The following STX7 variants were observed in gnomAD, a reference collection of about 807,000 sequenced individuals.
The protein encoded by STX7 is syntaxin-7.
A neutral mutation model predicts 39.6 loss-of-function variants in STX7; 34 were observed. The ratio of observed to expected loss-of-function variants is 0.86; its 90% CI spans 0.65 to 1.14. The LOEUF (loss-of-function observed/expected upper bound fraction) is 1.14. STX7 is among the 50% of genes most tolerant of loss of function. The pLI, the probability that STX7 is intolerant of heterozygous loss-of-function variation, is 0.00. For missense variants in STX7, 284 were observed against 310.4 expected (o/e 0.92, Z 0.64); for synonymous variants, 119 against 99.1 (o/e 1.20, Z -1.19).
chr6:132,486,254 G>T lies in STX7; in HGVS notation c.86-10592C>A, dbSNP rs1211243202. On this transcript the variant is annotated intron_variant, in intron 2 of 9. Transcript: ENST00000367941. ...TCCTCTAGTACAATTCTGAATAGAA[G>T]TGGTGAGGGCAAGACATCCCTGTCT... Among the ~76,000 whole-genome samples the T allele has an allele frequency of 3.3e-5, 5 of 152,246 alleles. No individual in the cohort carries two copies. The East Asian group carries it at 9.6e-4, about 29-fold the overall frequency.
intron 8 of STX7, among the ~76,000 whole-genome samples, chr6:132,465,175 G>T (rs185287592): frequency 6.6e-6 from 1 of 151,990 alleles, no homozygotes; most frequent in African/African-American, 2.4e-5. Flanking sequence ...TTCCAAAGAC[G>T]AACACCTTTC....
intron 2 of STX7, among the ~76,000 whole-genome samples, chr6:132,502,933 G>C (rs1262241547): frequency 6.6e-6 from 1 of 151,786 alleles, no homozygotes; most frequent in African/African-American, 2.4e-5. Context: ...ATGCAGGTCT[G>C]ATTTTCTAAA....
intron 8 of STX7, 29 bp downstream of exon 8, chr6:132,468,373 AC>A: frequency 6.4e-7 from 1 of 1,567,730 alleles, no homozygotes; most frequent in Non-Finnish European, 8.8e-7. Flanking sequence ...GCTTGCTCTC[AC>A]CTCCAAAATC....
At chr6:132,479,502 G>A (rs955255752) in intron 2 of STX7, among the ~76,000 whole-genome samples, 1 of 152,218 alleles carries the variant, frequency 6.6e-6, no homozygotes, top group South Asian at 2.1e-4. Flanking sequence ...AGGTAACCAA[G>A]TGACTCTAGC....
intron 2 of STX7, among the ~76,000 whole-genome samples, chr6:132,488,599 C>G (rs1350752562): frequency 6.6e-6 from 1 of 152,070 alleles, no homozygotes; most frequent in African/African-American, 2.4e-5. Flanking sequence ...TTCTTATTTA[C>G]ATTTCTTGAC....
intron 2 of STX7, among the ~76,000 whole-genome samples, chr6:132,496,397 T>C (rs1411328512): frequency 2.6e-5 from 4 of 152,170 alleles, no homozygotes; most frequent in Admixed American, 2.6e-4. Context: ...TTCACCAATT[T>C]CCTTCAATAC....
chr6:132,485,488 A>G (rs1775110355), intron 2 of STX7, among the ~76,000 whole-genome samples: 2 of 152,176 alleles, frequency 1.3e-5, no homozygotes, highest in South Asian at 4.1e-4. Flanking sequence ...ATGCCCTACA[A>G]GTCTTTGTAT....
At chr6:132,463,724 C>G (rs995711532) in intron 9 of STX7, among the ~76,000 whole-genome samples, 2 of 152,212 alleles carry the variant, frequency 1.3e-5, no homozygotes. Flanking sequence ...CCCCGGCCAT[C>G]AGAAAGCCTA....
At chr6:132,508,239 A>G (rs905510656) in intron 1 of STX7, among the ~76,000 whole-genome samples, 11 of 152,344 alleles carry the variant, frequency 7.2e-5, no homozygotes, top group African/African-American at 2.4e-4. Flanking sequence ...AAAGAGTTCC[A>G]TCAAGTCAAG....
chr6:132,478,054 A>G (rs982158204), intron 2 of STX7, among the ~76,000 whole-genome samples: 1 of 152,112 alleles, frequency 6.6e-6, no homozygotes, highest in African/African-American at 2.4e-5. Flanking sequence ...TATATAAGAA[A>G]GAGGGAGCAA....
At chr6:132,467,372 C>G (rs1391362645) in intron 8 of STX7, among the ~76,000 whole-genome samples, 1 of 152,134 alleles carries the variant, frequency 6.6e-6, no homozygotes, top group African/African-American at 2.4e-5. Context: ...ACCTATCATA[C>G]CTAACTACCC....
chr6:132,494,250 C>T (rs1473866473), intron 2 of STX7, among the ~76,000 whole-genome samples: 4 of 151,464 alleles, frequency 2.6e-5, no homozygotes. Flanking sequence ...AAAGTAAGCA[C>T]CAAAAAACCT....
At chr6:132,483,597 T>C (rs1775062275) in intron 2 of STX7, among the ~76,000 whole-genome samples, 1 of 152,156 alleles carries the variant, frequency 6.6e-6, no homozygotes. Context: ...CAAAACACTT[T>C]TTCATTGTTT....
chr6:132,477,649 C>A lies in STX7; in HGVS notation c.86-1987G>T, dbSNP rs144115470. Among the ~76,000 whole-genome samples the A allele has an allele frequency of 1.8e-4, 27 of 152,090 alleles. No individual in the cohort carries two copies. The East Asian group carries it at 2.1e-3, about 12-fold the overall frequency. ...TAAGAGATATAAAATATTAGCTAAG[C>A]ATGACACAAAACTAAAATCCACAGA... On this transcript the variant is annotated intron_variant, in intron 2 of 9. Transcript: ENST00000367941.
At chr6:132,493,435 C>T (rs973286572) in intron 2 of STX7, among the ~76,000 whole-genome samples, 13 of 152,120 alleles carry the variant, frequency 8.5e-5, no homozygotes, top group African/African-American at 2.9e-4. Flanking sequence ...ATAATTGGAT[C>T]ATGAGGGTGG....
chr6:132,508,301 C>G (rs1296012606), intron 1 of STX7, among the ~76,000 whole-genome samples: 1 of 152,158 alleles, frequency 6.6e-6, no homozygotes, highest in Non-Finnish European at 1.5e-5. Flanking sequence ...CCAGTGTAGC[C>G]CAAGTCTTCT....
rs751871580 is a variant in STX7, at chr6:132,470,639, G to A, written c.388-13C>T. On this transcript the variant is annotated splice_polypyrimidine_tract_variant and intron_variant, in intron 5 of 9. Coordinates refer to ENST00000367941, the MANE Select transcript of STX7 (RefSeq NM_003569.3). ...CAGGAAAACTGCCCTGAATAATTTAGTAACAGGATGGAATGAGAAGGGGCA... is the reference window on the plus strand; with the variant it reads ...CAGGAAAACTGCCCTGAATAATTTAATAACAGGATGGAATGAGAAGGGGCA... The A allele has an allele frequency of 6.2e-7, 1 of 1,601,934 alleles. No homozygotes were observed. The highest frequency in any genetic ancestry group is 8.5e-7 in the Non-Finnish European group (1 of 1,171,978).
At chr6:132,465,591 T>G (rs1194921615) in intron 8 of STX7, among the ~76,000 whole-genome samples, 1 of 152,190 alleles carries the variant, frequency 6.6e-6, no homozygotes, top group East Asian at 1.9e-4. Context: ...CTACTTCATT[T>G]CTCTGACTTC....
At chr6:132,461,282 A>G (rs981142628) in intron 9 of STX7, among the ~76,000 whole-genome samples, 1 of 151,930 alleles carries the variant, frequency 6.6e-6, no homozygotes, top group African/African-American at 2.4e-5. Flanking sequence ...GTAAGTACAA[A>G]TTGGCAACTT....
Sources: gnomAD v4.1 joint callset for allele counts (sites outside exome capture counted in the v4.1 genomes callset) on GRCh38, gnomAD v4.1.1 for gene constraint, MANE v1.5 for transcripts, NCBI Gene and HGNC (gene_info 2026-07-23, HGNC 2026-07-21) for gene names.